The following ZNF385D variants were observed in gnomAD, a reference collection of about 807,000 sequenced individuals.
ZNF385D encodes zinc finger protein 385D.
In ZNF385D, 15 loss-of-function variants were observed where a neutral mutation model predicts 35.8. That is an observed-to-expected ratio of 0.42 (90% CI 0.28 to 0.64). The LOEUF is 0.64. ZNF385D is among the 30% of genes least tolerant of loss of function. The pLI, the probability that ZNF385D is intolerant of heterozygous loss-of-function variation, is 0.23. For synonymous variants in ZNF385D, 212 were observed against 186.8 expected (o/e 1.13, Z -1.10); for missense variants, 474 against 494.6 (o/e 0.96, Z 0.39).
At chr3:21,841,871 T>C (rs1285957177) in intron 3 of ZNF385D, among the ~76,000 whole-genome samples, 2 of 151,774 alleles carry the variant, frequency 1.3e-5, no homozygotes, top group South Asian at 2.1e-4. Context: ...TTTTTGTTTC[T>C]ATTCTTTCTC....
intron 3 of ZNF385D, among the ~76,000 whole-genome samples, chr3:22,164,997 T>C (rs1706219602): frequency 6.6e-6 from 1 of 152,076 alleles, no homozygotes; most frequent in South Asian, 2.1e-4. Context: ...AGATCAGTGG[T>C]TATGAGGGAG....
intron 1 of ZNF385D, among the ~76,000 whole-genome samples, chr3:21,687,741 G>A (rs563742859): frequency 1.3e-5 from 2 of 152,246 alleles, no homozygotes; most frequent in East Asian, 1.9e-4. Context: ...TAAGGCAAAA[G>A]GTGGATCTAA....
At chr3:21,771,701 G>A (rs1026338190) in intron 3 of ZNF385D, among the ~76,000 whole-genome samples, 1 of 151,858 alleles carries the variant, frequency 6.6e-6, no homozygotes, top group Non-Finnish European at 1.5e-5. Context: ...CCGAGACCAA[G>A]AGACAAGACC....
chr3:21,876,580 A>G (rs1697984904), intron 3 of ZNF385D, among the ~76,000 whole-genome samples: 1 of 151,912 alleles, frequency 6.6e-6, no homozygotes, highest in African/African-American at 2.4e-5. Flanking sequence ...AGCACCTACT[A>G]TGTCTCATGC....
chr3:21,824,504 C>T (rs1029432549), intron 3 of ZNF385D, among the ~76,000 whole-genome samples: 2 of 152,132 alleles, frequency 1.3e-5, no homozygotes, highest in Non-Finnish European at 2.9e-5. Flanking sequence ...CATTTATGTA[C>T]ATATGTCTGT....
chr3:21,840,656 C>G (rs751749995), intron 3 of ZNF385D, among the ~76,000 whole-genome samples: 5 of 152,040 alleles, frequency 3.3e-5, no homozygotes, highest in Non-Finnish European at 7.4e-5. Flanking sequence ...TATTAAAACT[C>G]TTAGCAAATG....
At chr3:21,635,222 A>G (rs2065393097) in intron 2 of ZNF385D, among the ~76,000 whole-genome samples, 1 of 152,154 alleles carries the variant, frequency 6.6e-6, no homozygotes, top group South Asian at 2.1e-4. Context: ...TCATCGTAGA[A>G]TGAAATGTGT....
intron 1 of ZNF385D, among the ~76,000 whole-genome samples, chr3:21,714,213 C>T (rs983752406): frequency 1.1e-4 from 16 of 152,300 alleles, no homozygotes; most frequent in African/African-American, 2.9e-4. Flanking sequence ...GTGGGCCTTC[C>T]GGCAGACCTT....
intron 3 of ZNF385D, among the ~76,000 whole-genome samples, chr3:21,941,489 T>TC: frequency 8.7e-6 from 1 of 114,988 alleles, no homozygotes; most frequent in Non-Finnish European, 1.7e-5. Context: ...ATTCCATTAC[T>TC]CTTTTTTTTT....
At chr3:22,145,023 TG>T in intron 3 of ZNF385D, among the ~76,000 whole-genome samples, 1 of 151,886 alleles carries the variant, frequency 6.6e-6, no homozygotes, top group South Asian at 2.1e-4. Flanking sequence ...TGTGTGTGTG[TG>T]TGTGTGTGTG....
chr3:22,191,872 C>G (rs1696056255), intron 2 of ZNF385D, among the ~76,000 whole-genome samples: 1 of 151,740 alleles, frequency 6.6e-6, no homozygotes, highest in African/African-American at 2.4e-5. Context: ...ATTTTACTTA[C>G]TACTGATGCT....
rs189155655 is a variant in ZNF385D at position 22,099,993 on chromosome 3, A to T, written c.325+68824T>A. ...ACTCAAACAAATTTACAAGAAAAAA[A>T]CAAACAACCCCATCAAAAAGTGGGC... is the stretch of plus-strand genomic sequence containing the variant. On this transcript the variant is annotated intron_variant, in intron 3 of 5. Coordinates refer to the ZNF385D transcript ENST00000494108. Among the ~76,000 whole-genome samples the T allele has an allele frequency of 2.0e-4, 31 of 152,178 alleles. No individual in the cohort carries two copies. In the East Asian group the frequency reaches 5.8e-3, roughly 28 times the overall value.
At chr3:22,178,502 T>A (rs1168171186) in intron 2 of ZNF385D, among the ~76,000 whole-genome samples, 2 of 152,224 alleles carry the variant, frequency 1.3e-5, no homozygotes, top group African/African-American at 4.8e-5. Context: ...GATGAGTAGA[T>A]TGCAAAAATT....
rs869103546 is a variant in ZNF385D, at chr3:21,734,359, TTTG to T, written c.22+16533_22+16535del. Among the ~76,000 whole-genome samples, 347 of 101,024 alleles carry T rather than the reference TTTG, an allele frequency of 3.4e-3. 2 individuals are homozygous for T. The highest frequency in any genetic ancestry group is 0.013 in the Admixed American group (122 of 9,516). The allele number at this position is 101,024 out of a possible 152,430, so 66.3% of individuals were successfully genotyped here. ...ATAATTACTTTTTGTAAAGATTTTT[TTTG>T]TTTTTCTTTTTTAAAAAACTTTTAT... On this transcript the variant is annotated intron_variant, in intron 1 of 7. Coordinates refer to ENST00000281523, the MANE Select transcript of ZNF385D (RefSeq NM_024697.3).
intron 2 of ZNF385D, among the ~76,000 whole-genome samples, chr3:21,591,679 G>T (rs1157638087): frequency 6.6e-6 from 1 of 152,074 alleles, no homozygotes; most frequent in Non-Finnish European, 1.5e-5. Context: ...CTCCATTTTA[G>T]CAGGAAGCAC....
intron 2 of ZNF385D, among the ~76,000 whole-genome samples, chr3:22,330,933 T>G (rs1694903556): frequency 6.6e-6 from 1 of 152,204 alleles, no homozygotes; most frequent in Non-Finnish European, 1.5e-5. Context: ...ACTTTTGACT[T>G]GGCATGTCTT....
At chr3:21,691,986 A>G (rs1216180322) in intron 1 of ZNF385D, among the ~76,000 whole-genome samples, 1 of 152,182 alleles carries the variant, frequency 6.6e-6, no homozygotes, top group Admixed American at 6.5e-5. Context: ...TAACGTTTGT[A>G]CTTTTGTCTT....
At chr3:21,674,969 CAAAT>C (rs970380207) in intron 1 of ZNF385D, among the ~76,000 whole-genome samples, 7 of 151,962 alleles carry the variant, frequency 4.6e-5, no homozygotes, top group South Asian at 2.1e-4. Context: ...AGTGAGCAAA[CAAAT>C]GAATACATGA....
chr3:21,672,926 G>T (rs550819085), intron 1 of ZNF385D, among the ~76,000 whole-genome samples: 6 of 152,164 alleles, frequency 3.9e-5, no homozygotes, highest in African/African-American at 1.4e-4. Flanking sequence ...ATTATGTTAG[G>T]AGTATCAGGC....
Sources: allele counts gnomAD v4.1 joint callset (sites outside exome capture counted in the v4.1 genomes callset), GRCh38; gene constraint gnomAD v4.1.1; transcripts MANE v1.5; gene names NCBI Gene and HGNC (gene_info 2026-07-23, HGNC 2026-07-21).